The following EML4 variants were observed in gnomAD, a reference collection of about 807,000 sequenced individuals.
EML4 encodes echinoderm microtubule-associated protein-like 4.
In EML4, 72 loss-of-function variants were observed where a neutral mutation model predicts 129.0. The observed-to-expected ratio is 0.56, with a 90% CI of 0.46 to 0.68. The LOEUF (loss-of-function observed/expected upper bound fraction) is 0.68. Ranked by LOEUF, EML4 falls within the 30% of genes least tolerant of loss-of-function variation. The pLI, the probability that EML4 is intolerant of heterozygous loss-of-function variation, is 0.00. For synonymous variants in EML4, 532 were observed against 405.0 expected, an observed-to-expected ratio of 1.31 and a Z score of -3.77; for missense variants, 1,363 against 1,190.6, an observed-to-expected ratio of 1.14 and a Z score of -2.13.
At chr2:42,327,543 C>G (rs1669873611) in intron 21 of EML4, among the ~76,000 whole-genome samples, 1 of 152,112 alleles carries the variant, frequency 6.6e-6, no homozygotes, top group African/African-American at 2.4e-5. Context: ...TTGCCTTACA[C>G]CACTTGTTGA....
intron 13 of EML4, among the ~76,000 whole-genome samples, chr2:42,300,964 T>C (rs926796789): frequency 6.6e-6 from 1 of 152,228 alleles, no homozygotes; most frequent in African/African-American, 2.4e-5. Flanking sequence ...CCCTTTCGTC[T>C]GTGGAATTAT....
intron 8 of EML4, among the ~76,000 whole-genome samples, 200 bp from the exon 9 acceptor site, chr2:42,284,434 G>A (rs981355646): frequency 2.0e-5 from 3 of 152,186 alleles, no homozygotes; most frequent in Non-Finnish European, 4.4e-5. Context: ...TCATTAATCT[G>A]TGCAGCTTAA....
chr2:42,261,098 C>A, intron 3 of EML4, 23 bp from the exon 4 acceptor site: 2 of 1,542,172 alleles, frequency 1.3e-6, no homozygotes, highest in South Asian at 1.2e-5. Flanking sequence ...GTGTATTGTT[C>A]CATGTTATAC....
intron 1 of EML4, among the ~76,000 whole-genome samples, chr2:42,243,513 C>T (rs1469418444): frequency 1.3e-5 from 2 of 151,940 alleles, no homozygotes; most frequent in Admixed American, 1.3e-4. Context: ...ATCCTAGGCA[C>T]ACCCTCCTTA....
chr2:42,320,981 G>C (rs1669487508), intron 19 of EML4, among the ~76,000 whole-genome samples: 1 of 152,096 alleles, frequency 6.6e-6, no homozygotes, highest in Non-Finnish European at 1.5e-5. Context: ...GGGAAAAAAA[G>C]AGTAAACACT....
chr2:42,258,199 T>G, intron 3 of EML4, among the ~76,000 whole-genome samples: 1 of 152,082 alleles, frequency 6.6e-6, no homozygotes, highest in East Asian at 1.9e-4. Flanking sequence ...GGAAAATGGC[T>G]CTTTTAGGTT....
chr2:42,320,343 A>G (rs2103805926), intron 19 of EML4, among the ~76,000 whole-genome samples: 1 of 151,250 alleles, frequency 6.6e-6, no homozygotes, highest in Non-Finnish European at 1.5e-5. Flanking sequence ...AAAAAAAAAA[A>G]GCTGTGCTTA....
At chr2:42,306,988 A>G (rs992762824) in intron 17 of EML4, among the ~76,000 whole-genome samples, 3 of 152,160 alleles carry the variant, frequency 2.0e-5, no homozygotes, top group African/African-American at 7.2e-5. Flanking sequence ...TACAGCATTA[A>G]TTAGAAATAT....
intron 11 of EML4, among the ~76,000 whole-genome samples, chr2:42,290,719 G>A (rs7570083): frequency 0.21 from 31,519 of 152,074 alleles, 4,259 homozygotes; most frequent in African/African-American, 0.39. Flanking sequence ...GGAACAGAGC[G>A]AGACCCTGTC....
intron 18 of EML4, 23 bp downstream of exon 18, chr2:42,316,073 C>T: frequency 1.3e-6 from 2 of 1,537,778 alleles, no homozygotes; most frequent in Non-Finnish European, 1.8e-6. Flanking sequence ...ACTCCCACCT[C>T]CCAAGCATGG....
intron 13 of EML4, among the ~76,000 whole-genome samples, chr2:42,298,892 G>C (rs978806439): frequency 1.3e-5 from 2 of 152,116 alleles, no homozygotes; most frequent in Non-Finnish European, 2.9e-5. Context: ...ACTCTTGTTA[G>C]TTTGACCATG....
intron 17 of EML4, among the ~76,000 whole-genome samples, chr2:42,312,446 T>G (rs1669012505): frequency 6.6e-6 from 1 of 152,158 alleles, no homozygotes; most frequent in African/African-American, 2.4e-5. Context: ...GTCTATTCTC[T>G]CTGAAGCCTA....
intron 3 of EML4, among the ~76,000 whole-genome samples, chr2:42,260,679 T>C (rs1395085276): frequency 6.6e-6 from 1 of 152,124 alleles, no homozygotes; most frequent in African/African-American, 2.4e-5. Flanking sequence ...TAAAACTCAA[T>C]TGAGTGGAGT....
chr2:42,169,698 C>G, intron 1 of EML4, 62 bp downstream of exon 1: 3 of 1,572,310 alleles, frequency 1.9e-6, no homozygotes, highest in Non-Finnish European at 2.6e-6. Context: ...TCCTTCCGCA[C>G]ACAGCCCAGG....
Position 42,331,868 on chromosome 2 carries a change from G to A in EML4, c.*1661G>A, listed in dbSNP as rs1329098535. ...TAGATAAGAAGATATGCACCACGTT[G>A]AAAATACTCAGTGTAGATCTCTATG... On this transcript the variant is annotated 3_prime_UTR_variant, in exon 23 of 23. Coordinates refer to ENST00000318522, the MANE Select transcript of EML4 (RefSeq NM_019063.5). 1.4e-5 allele frequency: 3 copies of A among 217,956 alleles called. No homozygotes were observed. The highest frequency in any genetic ancestry group is 6.7e-5 in the African/African-American group (3 of 44,468). The allele number at this position is 217,956 out of a possible 1,614,324, so 13.5% of individuals were successfully genotyped here.
At chr2:42,239,797 C>A (rs547837774) in intron 1 of EML4, among the ~76,000 whole-genome samples, 4 of 152,026 alleles carry the variant, frequency 2.6e-5, no homozygotes, top group Non-Finnish European at 5.9e-5. Flanking sequence ...GGAAAATGAT[C>A]TAATCTACTT....
At chr2:42,210,188 C>G (rs146013271) in intron 1 of EML4, among the ~76,000 whole-genome samples, 7 of 152,252 alleles carry the variant, frequency 4.6e-5, no homozygotes, top group Non-Finnish European at 4.4e-5. Flanking sequence ...AGGGTCCCAT[C>G]CAGTTGTCAT....
intron 1 of EML4, among the ~76,000 whole-genome samples, chr2:42,210,332 T>A (rs1672819856): frequency 6.6e-6 from 1 of 152,160 alleles, no homozygotes; most frequent in Admixed American, 6.5e-5. Context: ...GTCCCTCTTT[T>A]GGAATTTGTC....
chr2:42,242,139 C>T (rs901798273), intron 1 of EML4, among the ~76,000 whole-genome samples: 1 of 152,110 alleles, frequency 6.6e-6, no homozygotes, highest in Non-Finnish European at 1.5e-5. Context: ...TAAAACCTAG[C>T]ACCCTAACCT....
Sources: allele counts gnomAD v4.1 joint callset (sites outside exome capture counted in the v4.1 genomes callset), GRCh38; gene constraint gnomAD v4.1.1; transcripts MANE v1.5; gene names NCBI Gene and HGNC (gene_info 2026-07-23, HGNC 2026-07-21).